TMEM117: variants seen among roughly 807,000 people sequenced by gnomAD.
TMEM117 encodes the protein transmembrane protein 117.
TMEM117 carries 27 observed loss-of-function variants against 52.4 expected under a neutral mutation model. That is an observed-to-expected ratio of 0.51 (90% CI 0.38 to 0.71). TMEM117 has a LOEUF of 0.71. Ranked by LOEUF, TMEM117 falls within the 30% of genes least tolerant of loss-of-function variation. The pLI, the probability that TMEM117 is intolerant of heterozygous loss-of-function variation, is 0.00. For missense variants in TMEM117, 556 were observed against 630.5 expected, an observed-to-expected ratio of 0.88 and a Z score of 1.26; for synonymous variants, 215 against 206.3, an observed-to-expected ratio of 1.04 and a Z score of -0.36.
At chr12:44,202,859 G>A (rs1592602609) in intron 4 of TMEM117, among the ~76,000 whole-genome samples, 1 of 151,230 alleles carries the variant, frequency 6.6e-6, no homozygotes, top group African/African-American at 2.4e-5. Flanking sequence ...CACCACCTCT[G>A]CTCACTGCAG....
intron 2 of TMEM117, among the ~76,000 whole-genome samples, chr12:43,902,640 C>G (rs1251404649): frequency 2.0e-5 from 3 of 152,112 alleles, no homozygotes; most frequent in African/African-American, 7.2e-5. Flanking sequence ...ATGGTAGTAT[C>G]ACCCAAAGGT....
chr12:44,229,223 A>G (rs1005002242), intron 5 of TMEM117, among the ~76,000 whole-genome samples: 4 of 152,096 alleles, frequency 2.6e-5, no homozygotes, highest in Admixed American at 2.6e-4. Context: ...GATGCCTGCT[A>G]GCCACCCAAG....
At chr12:44,255,506 T>G (rs1950249863) in intron 5 of TMEM117, among the ~76,000 whole-genome samples, 2 of 152,026 alleles carry the variant, frequency 1.3e-5, no homozygotes, top group South Asian at 4.1e-4. Flanking sequence ...TAATAACGAG[T>G]CCAAGTAAGT....
At chr12:44,107,503 C>T (rs563901926) in intron 3 of TMEM117, among the ~76,000 whole-genome samples, 22 of 152,166 alleles carry the variant, frequency 1.4e-4, no homozygotes, top group Admixed American at 7.2e-4. Context: ...TAATTGAAGA[C>T]TCATTCACTG....
At chr12:44,003,860 G>T (rs1946153171) in intron 3 of TMEM117, among the ~76,000 whole-genome samples, 1 of 152,172 alleles carries the variant, frequency 6.6e-6, no homozygotes, top group African/African-American at 2.4e-5. Flanking sequence ...GCAAGGAAAT[G>T]ACATGAGTAG....
rs558541833 is a variant in TMEM117, at chr12:43,979,753, T to TA, written c.410+35412dup. Among the ~76,000 whole-genome samples, 62 of 152,280 alleles carry TA rather than the reference T, an allele frequency of 4.1e-4. No homozygotes were observed. In the South Asian group the frequency reaches 0.012, roughly 31 times the overall value. ...TGGGTGAATTCCAAAGGCTGTTTGA[T>TA]ATTCTATATGGCTGGCTTTAAATTG... On this transcript the variant is annotated intron_variant, in intron 3 of 7. Coordinates refer to ENST00000266534, the MANE Select transcript of TMEM117 (RefSeq NM_032256.3).
chr12:43,834,411 A>C (rs951245351), upstream of TMEM117, among the ~76,000 whole-genome samples: 1 of 152,236 alleles, frequency 6.6e-6, no homozygotes, highest in African/African-American at 2.4e-5. Context: ...CATGAGTAAG[A>C]TTTAATCTCT....
At chr12:43,859,415 C>T (rs867298022) in intron 2 of TMEM117, among the ~76,000 whole-genome samples, 1 of 152,200 alleles carries the variant, frequency 6.6e-6, no homozygotes, top group South Asian at 2.1e-4. Flanking sequence ...GATTTGGGAG[C>T]TTAAAATTCA....
At chr12:43,865,553 C>G (rs553148178) in intron 2 of TMEM117, among the ~76,000 whole-genome samples, 2 of 151,856 alleles carry the variant, frequency 1.3e-5, no homozygotes, top group Non-Finnish European at 2.9e-5. Context: ...AAAAATTAGC[C>G]GGGCGTGGTG....
intron 7 of TMEM117, among the ~76,000 whole-genome samples, chr12:44,381,364 G>C (rs141070934): frequency 3.0e-4 from 45 of 152,252 alleles, no homozygotes; most frequent in Non-Finnish European, 5.7e-4. Context: ...TAAGTGCATA[G>C]ATGGATTGAA....
intron 5 of TMEM117, among the ~76,000 whole-genome samples, chr12:44,239,768 C>T (rs1038644960): frequency 6.6e-6 from 1 of 151,914 alleles, no homozygotes; most frequent in African/African-American, 2.4e-5. Flanking sequence ...TAGTCATATG[C>T]CCACATGCAC....
At chr12:44,304,672 C>T (rs1950882402) in intron 6 of TMEM117, among the ~76,000 whole-genome samples, 1 of 152,142 alleles carries the variant, frequency 6.6e-6, no homozygotes, top group African/African-American at 2.4e-5. Flanking sequence ...GTCCTGAGGC[C>T]CCTATTTCAG....
At chr12:44,228,576 G>C (rs1949893215) in intron 5 of TMEM117, among the ~76,000 whole-genome samples, 2 of 152,106 alleles carry the variant, frequency 1.3e-5, no homozygotes, top group African/African-American at 4.8e-5. Flanking sequence ...GCAATGTGGT[G>C]ATCTGAAGAG....
rs758993698 is a variant in TMEM117 at position 44,388,058 on chromosome 12, G to A, written c.931G>A (p.Val311Ile). ...KWFNYGIIFL[V>I]LILDLNMWKN... is the part of the protein sequence containing the mutation. ...GTTTAACTATGGAATTATCTTCCTC[G>A]TCTTGATTTTGGATCTTAATATGTG... The change falls in exon 8 of 8, where the codon GTC becomes ATC. Residue 311 changes from valine to isoleucine, a missense_variant. Val to Ile is a conservative substitution (Grantham distance 29, BLOSUM62 3). Transcript: ENST00000266534. The A allele has an allele frequency of 6.1e-5, 99 of 1,611,306 alleles. No individual in the cohort carries two copies. Among genetic ancestry groups the A allele is most frequent in the Middle Eastern group, 1.7e-4 (1 of 6,044 alleles).
At chr12:43,941,957 C>T (rs1220609718) in intron 2 of TMEM117, among the ~76,000 whole-genome samples, 1 of 152,226 alleles carries the variant, frequency 6.6e-6, no homozygotes, top group East Asian at 1.9e-4. Context: ...TCTTAACATA[C>T]ATTTGCTAGT....
At chr12:44,397,929 G>A in the TMEM117 span, among the ~76,000 whole-genome samples, 1 of 152,160 alleles carries the variant, frequency 6.6e-6, no homozygotes, top group South Asian at 2.1e-4. Context: ...AGTGTCTTAC[G>A]GCCCCTCTTT....
chr12:44,170,290 G>T (rs1347372780), intron 4 of TMEM117, among the ~76,000 whole-genome samples: 2 of 111,618 alleles, frequency 1.8e-5, no homozygotes, highest in Non-Finnish European at 3.4e-5. Flanking sequence ...ACTGGGGCCT[G>T]CTGGGGGGTG....
At chr12:44,367,357 A>C (rs1255848072) in intron 6 of TMEM117, among the ~76,000 whole-genome samples, 1 of 152,148 alleles carries the variant, frequency 6.6e-6, no homozygotes, top group Non-Finnish European at 1.5e-5. Context: ...GTTAATATTC[A>C]GTCTTTTTAT....
At chr12:43,940,223 C>A (rs148252208) in intron 2 of TMEM117, among the ~76,000 whole-genome samples, 2 of 152,304 alleles carry the variant, frequency 1.3e-5, no homozygotes, top group East Asian at 3.9e-4. Flanking sequence ...TCTATCTGAT[C>A]CCTGCTTTAA....
Sources: gnomAD v4.1 joint callset for allele counts (sites outside exome capture counted in the v4.1 genomes callset) on GRCh38, gnomAD v4.1.1 for gene constraint, MANE v1.5 for transcripts, NCBI Gene and HGNC (gene_info 2026-07-23, HGNC 2026-07-21) for gene names.